Variants in MYL4 observed in about 807,000 individuals in gnomAD.
The protein encoded by MYL4 is myosin light chain 4.
MYL4 carries 16 observed loss-of-function variants against 21.6 expected under a neutral mutation model. The observed-to-expected ratio is 0.74, with a 90% CI of 0.50 to 1.12. The LOEUF is 1.12. Among genes scored for constraint, MYL4 ranks in the 50% most tolerant of loss-of-function variants. MYL4 has a pLI of 0.00. For missense variants in MYL4, 249 were observed against 252.9 expected (o/e 0.98, Z 0.11); for synonymous variants, 82 against 95.7 (o/e 0.86, Z 0.83).
the MYL4 span, among the ~76,000 whole-genome samples, chr17:47,195,365 G>T: frequency 6.6e-6 from 1 of 152,064 alleles, no homozygotes; most frequent in Non-Finnish European, 1.5e-5. Context: ...AAGTAGCTGG[G>T]ATTACAGGCA....
At position 47,223,069 on chromosome 17, in the gene MYL4, C is replaced by G; in HGVS notation, c.*15+12C>G. On this transcript the variant is annotated intron_variant, in intron 6 of 6. Transcript: ENST00000393450. ...GCAGAGTCTTCCAGGTGAGTGCAGC[C>G]TCTCCCTCCTGGTCCCTTCCGGGGT... 6.2e-7 allele frequency: 1 copy of G among 1,614,022 alleles called. No individual in the cohort carries two copies. Among genetic ancestry groups the G allele is most frequent in the Non-Finnish European group, 8.5e-7 (1 of 1,179,920 alleles).
At chr17:47,225,208 T>C (rs114815835), downstream of MYL4, among the ~76,000 whole-genome samples, 2,383 of 152,290 alleles carry the variant, frequency 0.016, 52 homozygotes, top group African/African-American at 0.054. Flanking sequence ...AGTTTGCTTT[T>C]CTTAGAATTT....
chr17:47,221,907 G>C, intron 4 of MYL4, 52 bp downstream of exon 4: 3 of 1,580,890 alleles, frequency 1.9e-6, no homozygotes. Context: ...GGAGGGGTGG[G>C]AGGTGCCAAG....
downstream of MYL4, among the ~76,000 whole-genome samples, chr17:47,226,740 A>G (rs906076418): frequency 1.3e-5 from 2 of 152,228 alleles, no homozygotes; most frequent in African/African-American, 4.8e-5. Context: ...CAGGGACCCA[A>G]GTTCTTTTAT....
intron 4 of MYL4, 132 bp downstream of exon 4, chr17:47,221,987 C>T (rs1035016395): frequency 4.9e-6 from 5 of 1,028,366 alleles, no homozygotes; most frequent in South Asian, 1.7e-5. Context: ...TGACCTGATC[C>T]AGGCCCTGTC....
the MYL4 span, among the ~76,000 whole-genome samples, chr17:47,194,308 A>G: frequency 2.0e-5 from 3 of 152,222 alleles, no homozygotes; most frequent in Non-Finnish European, 4.4e-5. Context: ...AGGTTTGTAC[A>G]GATTTATTCC....
At chr17:47,209,244 G>A (rs946803703), upstream of MYL4, 24 of 792,060 alleles carry the variant, frequency 3.0e-5, no homozygotes, top group African/African-American at 1.2e-4. Flanking sequence ...CCCTGCTGGC[G>A]TTTCTTCCTT....
At chr17:47,219,466 G>C (rs1316504896) in intron 2 of MYL4, among the ~76,000 whole-genome samples, 1 of 152,160 alleles carries the variant, frequency 6.6e-6, no homozygotes, top group Admixed American at 6.5e-5. Flanking sequence ...CTACACCAGA[G>C]CGGGATGTGT....
downstream of MYL4, among the ~76,000 whole-genome samples, chr17:47,226,141 A>G (rs888964916): frequency 2.0e-5 from 3 of 152,184 alleles, no homozygotes; most frequent in African/African-American, 7.2e-5. Flanking sequence ...TCCTTGCCCA[A>G]AGTAGCTTAC....
chr17:47,195,688 A>G (rs2064687004), upstream of MYL4, among the ~76,000 whole-genome samples: 1 of 151,456 alleles, frequency 6.6e-6, no homozygotes, highest in Admixed American at 6.6e-5. Flanking sequence ...TCTTAATTCC[A>G]CTCTTCATCT....
chr17:47,202,806 A>G (rs1000848796), intron 1 of MYL4, among the ~76,000 whole-genome samples: 1 of 152,238 alleles, frequency 6.6e-6, no homozygotes, highest in African/African-American at 2.4e-5. Flanking sequence ...AATACTGTTT[A>G]TTACAATTAG....
intron 1 of MYL4, among the ~76,000 whole-genome samples, chr17:47,203,339 C>A (rs1247563014): frequency 1.3e-5 from 2 of 151,952 alleles, no homozygotes; most frequent in East Asian, 3.9e-4. Flanking sequence ...TTTTCTATTT[C>A]TTTGCCCTCT....
Position 47,209,511 on chromosome 17 carries a change from C to A in MYL4, c.89C>A (p.Ala30Asp). The A allele has an allele frequency of 6.2e-7, 1 of 1,614,258 alleles. No homozygotes were observed. Among genetic ancestry groups the A allele is most frequent in the Middle Eastern group, 1.6e-4 (1 of 6,062 alleles). Residue 30 changes from alanine (A) to aspartate (D), a missense_variant, in exon 1 of 7, where the codon GCT (alanine) becomes GAT (aspartate). Physicochemically the swap from Ala to Asp is moderately radical, Grantham distance 126. Transcript: ENST00000393450. Reference sequence around the variant, plus strand: ...GCCCCTGCACCAGCCCCTGCCCCAGCTCCTGAGGCTCCCAAGGAACCTGCC... The same window carrying A: ...GCCCCTGCACCAGCCCCTGCCCCAGATCCTGAGGCTCCCAAGGAACCTGCC... ...APAPAPAPAP[A>D]PEAPKEPAFD...
intron 1 of MYL4, among the ~76,000 whole-genome samples, chr17:47,211,686 C>G (rs1456082474): frequency 6.6e-6 from 1 of 152,118 alleles, no homozygotes; most frequent in Non-Finnish European, 1.5e-5. Context: ...AGTTAACTCC[C>G]CACTGCCCCA....
At chr17:47,222,520 G>C (rs1567750291) in intron 5 of MYL4, 63 bp downstream of exon 5, 5 of 1,531,908 alleles carry the variant, frequency 3.3e-6, no homozygotes, top group Non-Finnish European at 3.6e-6. Flanking sequence ...CAGCTTGGGT[G>C]GGGTGGGCCC....
upstream of MYL4, among the ~76,000 whole-genome samples, chr17:47,197,192 G>A (rs768029792): frequency 8.9e-5 from 13 of 145,610 alleles, no homozygotes; most frequent in African/African-American, 3.3e-4. Context: ...TCCACCTCCC[G>A]GGTTCATGTC....
intron 1 of MYL4, among the ~76,000 whole-genome samples, chr17:47,213,489 AGTT>A (rs1462497565): frequency 9.9e-5 from 15 of 152,148 alleles, no homozygotes; most frequent in Admixed American, 9.2e-4. Context: ...ACTATGTGAT[AGTT>A]GTTATGTATT....
upstream of MYL4, among the ~76,000 whole-genome samples, chr17:47,208,438 A>G (rs1266315448): frequency 2.6e-5 from 4 of 152,084 alleles, no homozygotes; most frequent in African/African-American, 9.7e-5. Context: ...TGTTTCTGTT[A>G]AAACAAACAA....
At chr17:47,197,024 GC>G (rs1335338896), upstream of MYL4, among the ~76,000 whole-genome samples, 18 of 148,534 alleles carry the variant, frequency 1.2e-4, no homozygotes, top group Admixed American at 5.4e-4. Context: ...TAAACATGAT[GC>G]TTTTTTTTTG....
Sources: gnomAD v4.1 joint callset for allele counts (sites outside exome capture counted in the v4.1 genomes callset) on GRCh38, gnomAD v4.1.1 for gene constraint, MANE v1.5 for transcripts, NCBI Gene and HGNC (gene_info 2026-07-23, HGNC 2026-07-21) for gene names.